Variants in ST3GAL2 observed in about 807,000 individuals in gnomAD.
ST3GAL2 encodes the protein ST3 beta-galactoside alpha-2,3-sialyltransferase 2.
ST3GAL2 carries 16 observed loss-of-function variants against 37.5 expected under a neutral mutation model. The ratio of observed to expected loss-of-function variants is 0.43; its 90% CI spans 0.29 to 0.65. The LOEUF (loss-of-function observed/expected upper bound fraction) is 0.65, where lower values mean the gene tolerates loss of function less well. Ranked by LOEUF, ST3GAL2 falls within the 30% of genes least tolerant of loss-of-function variation. The pLI is 0.17. For missense variants in ST3GAL2, 383 were observed against 487.8 expected, an observed-to-expected ratio of 0.79 and a Z score of 2.02; for synonymous variants, 238 against 202.9, an observed-to-expected ratio of 1.17 and a Z score of -1.47.
chr16:70,386,847 T>C (rs1209205769), intron 4 of ST3GAL2, among the ~76,000 whole-genome samples: 1 of 152,208 alleles, frequency 6.6e-6, no homozygotes, highest in Non-Finnish European at 1.5e-5. Flanking sequence ...GGTTTCACCA[T>C]GTTGGCCAGG....
chr16:70,423,263 C>T (rs1229114210), intron 1 of ST3GAL2, among the ~76,000 whole-genome samples: 1 of 152,182 alleles, frequency 6.6e-6, no homozygotes, highest in African/African-American at 2.4e-5. Context: ...AATCCCAGCA[C>T]TTTGGGAGGC....
intron 1 of ST3GAL2, among the ~76,000 whole-genome samples, chr16:70,418,793 G>T (rs1272676133): frequency 1.3e-5 from 2 of 152,134 alleles, no homozygotes; most frequent in Non-Finnish European, 2.9e-5. Flanking sequence ...CTAGAAGAGG[G>T]GTGAAACGGA....
chr16:70,423,820 C>G (rs2047732179), intron 1 of ST3GAL2, among the ~76,000 whole-genome samples: 1 of 151,722 alleles, frequency 6.6e-6, no homozygotes, highest in Admixed American at 6.6e-5. Flanking sequence ...CTTGTAATCC[C>G]AGCACTTTAG....
In ST3GAL2 at chr16:70,408,516, C is replaced by T. The variant is rs147093749; in HGVS notation, c.-1003-8983G>A. Among the ~76,000 whole-genome samples the T allele has an allele frequency of 3.0e-4, 45 of 152,152 alleles. No individual in the cohort carries two copies. In the East Asian group the frequency reaches 8.7e-3, roughly 29 times the overall value. On this transcript the variant is annotated intron_variant, in intron 1 of 6. Coordinates refer to ENST00000342907, the MANE Select transcript of ST3GAL2 (RefSeq NM_006927.4). ...GTCTGAGAATGGGCCGCTTCACCAC[C>T]CTGCTTGGTTAACTGAAGTCACCCG...
intron 1 of ST3GAL2, among the ~76,000 whole-genome samples, chr16:70,425,228 G>A (rs1295704263): frequency 3.9e-5 from 6 of 152,144 alleles, no homozygotes; most frequent in African/African-American, 1.4e-4. Context: ...TTAGGAGGCC[G>A]AGGTGGACAG....
intron 1 of ST3GAL2, among the ~76,000 whole-genome samples, chr16:70,417,816 G>C (rs377310252): frequency 6.6e-6 from 1 of 152,042 alleles, no homozygotes; most frequent in Admixed American, 6.6e-5. Context: ...GCGTGGCTGG[G>C]GGGGCGGGGG....
intron 1 of ST3GAL2, among the ~76,000 whole-genome samples, chr16:70,409,763 G>A (rs899094620): frequency 9.9e-5 from 15 of 151,124 alleles, no homozygotes; most frequent in Non-Finnish European, 1.8e-4. Context: ...TCAGGCCCCC[G>A]AGTAGCTAGG....
At chr16:70,404,024 C>T (rs1274815069) in intron 1 of ST3GAL2, among the ~76,000 whole-genome samples, 1 of 152,080 alleles carries the variant, frequency 6.6e-6, no homozygotes, top group Admixed American at 6.6e-5. Context: ...TTTAGACATC[C>T]ACATGCAGTT....
rs917802230 is a variant in ST3GAL2 at position 70,376,015 on chromosome 16, C to G, written c.*5674G>C. On this transcript the variant is annotated 3_prime_UTR_variant, in exon 7 of 7. Coordinates refer to ENST00000342907, the MANE Select transcript of ST3GAL2 (RefSeq NM_006927.4). ...TATTTATTTCTATTTATAGCAAAGACAGCTGAGATGTCAAACTCTTCCCTT... is the reference window on the plus strand; with the variant it reads ...TATTTATTTCTATTTATAGCAAAGAGAGCTGAGATGTCAAACTCTTCCCTT... 1 of 152,198 alleles carries G rather than the reference C, an allele frequency of 6.6e-6. No homozygotes were observed. Among genetic ancestry groups the G allele is most frequent in the Non-Finnish European group, 1.5e-5 (1 of 68,050 alleles). The allele number at this position is 152,198 out of a possible 1,614,324, so 9.4% of individuals were successfully genotyped here.
intron 1 of ST3GAL2, among the ~76,000 whole-genome samples, chr16:70,405,103 A>G (rs2047580799): frequency 6.6e-6 from 1 of 152,152 alleles, no homozygotes; most frequent in African/African-American, 2.4e-5. Flanking sequence ...CCAACATGGA[A>G]ACAACTCAAA....
chr16:70,393,262 G>C (rs982184068), intron 3 of ST3GAL2, among the ~76,000 whole-genome samples: 3 of 152,004 alleles, frequency 2.0e-5, no homozygotes, highest in Non-Finnish European at 4.4e-5. Context: ...ATTTTTAGTA[G>C]AGACAGGGTT....
intron 1 of ST3GAL2, among the ~76,000 whole-genome samples, chr16:70,434,094 T>A (rs1214593132): frequency 1.3e-5 from 2 of 152,128 alleles, no homozygotes; most frequent in Non-Finnish European, 2.9e-5. Context: ...GAACAGCAAC[T>A]TGGACATTAC....
chr16:70,383,239 T>C lies in ST3GAL2; in HGVS notation c.714-4A>G. The C allele has an allele frequency of 6.2e-7, 1 of 1,601,688 alleles. No homozygotes were observed. The highest frequency in any genetic ancestry group is 1.1e-5 in the South Asian group (1 of 90,010). On this transcript the variant is annotated splice_polypyrimidine_tract_variant and splice_region_variant and intron_variant, in intron 4 of 6. Coordinates refer to ENST00000342907, the MANE Select transcript of ST3GAL2 (RefSeq NM_006927.4). The stretch of plus-strand genomic sequence containing the variant: ...GGACTTCACTGGGGCGTAGGTGCTG[T>C]AAGCAAAAAGAAAGAAAGATAACAT...
chr16:70,417,790 T>G, intron 1 of ST3GAL2, among the ~76,000 whole-genome samples: 1 of 146,516 alleles, frequency 6.8e-6, no homozygotes, highest in Non-Finnish European at 1.5e-5. Context: ...GGGTCTGGAG[T>G]GTATGGGGTG....
chr16:70,399,256 G>A lies in ST3GAL2; in HGVS notation c.-726C>T. 2.5e-6 allele frequency: 1 copy of A among 398,860 alleles called. No homozygotes were observed. The highest frequency in any genetic ancestry group is 3.6e-5 in the East Asian group (1 of 28,076). 24.7% of individuals were successfully genotyped at this position (398,860 alleles called of 1,614,324 possible). On this transcript the variant is annotated 5_prime_UTR_variant, in exon 2 of 7. Coordinates refer to ENST00000342907, the MANE Select transcript of ST3GAL2 (RefSeq NM_006927.4). ...TCTCCTGGTGGCCCCAGCCCCAGCT[G>A]CAGTTGCGTAGGGGTCGCAAAGCTC... is the stretch of plus-strand genomic sequence containing the variant.
intron 1 of ST3GAL2, among the ~76,000 whole-genome samples, chr16:70,402,446 T>G (rs2047562559): frequency 6.6e-6 from 1 of 152,138 alleles, no homozygotes; most frequent in Non-Finnish European, 1.5e-5. Flanking sequence ...GATCACAGCA[T>G]GAATCCATGA....
chr16:70,423,674 A>ATTTTT (rs60635060), intron 1 of ST3GAL2, among the ~76,000 whole-genome samples: 1 of 128,022 alleles, frequency 7.8e-6, no homozygotes, highest in African/African-American at 3.0e-5. Flanking sequence ...TGACTCAATG[A>ATTTTT]TTTTTTTTTT....
chr16:70,422,237 G>A (rs201052836), intron 1 of ST3GAL2, among the ~76,000 whole-genome samples: 20 of 152,260 alleles, frequency 1.3e-4, no homozygotes, highest in South Asian at 2.1e-4. Flanking sequence ...CTGACCTCAC[G>A]CACTCCCTGC....
intron 2 of ST3GAL2, among the ~76,000 whole-genome samples, chr16:70,397,471 C>G (rs2151663377): frequency 6.6e-6 from 1 of 152,116 alleles, no homozygotes; most frequent in South Asian, 2.1e-4. Context: ...CGCCTGTAAT[C>G]CCAGCACTTT....
Sources: gnomAD v4.1 joint callset for allele counts (sites outside exome capture counted in the v4.1 genomes callset) on GRCh38, gnomAD v4.1.1 for gene constraint, MANE v1.5 for transcripts, NCBI Gene and HGNC (gene_info 2026-07-23, HGNC 2026-07-21) for gene names.